Variants in TBC1D19 observed in about 807,000 individuals in gnomAD.
TBC1D19 encodes the protein TBC1 domain family, member 19.
A neutral mutation model predicts 89.0 loss-of-function variants in TBC1D19; 60 were observed. The observed-to-expected ratio is 0.67, with a 90% confidence interval of 0.55 to 0.84. TBC1D19 has a LOEUF of 0.84. Among genes scored for constraint, TBC1D19 ranks in the 40% least tolerant of loss-of-function variants. TBC1D19 has a pLI of 0.00. For synonymous variants in TBC1D19, 189 were observed against 199.7 expected (o/e 0.95, Z 0.45); for missense variants, 500 against 610.8 (o/e 0.82, Z 1.91).
chr4:26,614,061 G>A (rs910296891), intron 2 of TBC1D19, among the ~76,000 whole-genome samples: 1 of 152,074 alleles, frequency 6.6e-6, no homozygotes, highest in Non-Finnish European at 1.5e-5. Context: ...CCGTTCCCTT[G>A]GCACATTCCT....
In TBC1D19 at chr4:26,753,860, G is replaced by A. The variant is rs1407269997; in HGVS notation, c.1476G>A (p.Leu492=). The change falls in exon 20 of 21, where the codon CTG becomes CTA. Residue 492 remains leucine (L), a synonymous_variant. Transcript: ENST00000264866. ...AAVFAFRAVN[L]MEVTSLAAAE... is the part of the protein sequence containing the mutation. ...TGTTTGCTTTCCGAGCAGTGAACCT[G>A]ATGGAGGTGACATCACTGGCTGCAG... is the stretch of plus-strand genomic sequence containing the variant. 1 of 1,613,990 alleles carries A rather than the reference G, an allele frequency of 6.2e-7. No individual in the cohort carries two copies. Among genetic ancestry groups the A allele is most frequent in the South Asian group, 1.1e-5 (1 of 91,082 alleles).
intron 18 of TBC1D19, among the ~76,000 whole-genome samples, chr4:26,746,724 A>G (rs1221403896): frequency 6.6e-6 from 1 of 152,224 alleles, no homozygotes; most frequent in Non-Finnish European, 1.5e-5. Flanking sequence ...ATGAATAACT[A>G]TGATAAAGTT....
chr4:26,626,646 A>G (rs552123305), intron 4 of TBC1D19, among the ~76,000 whole-genome samples: 4 of 152,142 alleles, frequency 2.6e-5, no homozygotes, highest in African/African-American at 9.6e-5. Context: ...AAGATGTACT[A>G]TGTGGTTGAA....
At chr4:26,658,046 T>C (rs1486779838) in intron 7 of TBC1D19, among the ~76,000 whole-genome samples, 1 of 152,216 alleles carries the variant, frequency 6.6e-6, no homozygotes, top group Non-Finnish European at 1.5e-5. Flanking sequence ...GCCTGTTCAC[T>C]CTGATGATAG....
chr4:26,837,189 T>C, the TBC1D19 span, among the ~76,000 whole-genome samples: 1 of 152,178 alleles, frequency 6.6e-6, no homozygotes, highest in Non-Finnish European at 1.5e-5. Context: ...AAAAGGTCTA[T>C]ATAATGGAGA....
At chr4:26,792,050 G>A in the TBC1D19 span, among the ~76,000 whole-genome samples, 1 of 152,176 alleles carries the variant, frequency 6.6e-6, no homozygotes, top group Non-Finnish European at 1.5e-5. Context: ...AGCAAAGGAG[G>A]CTGAAAAGAG....
At chr4:26,759,028 T>C (rs1471772232), downstream of TBC1D19, among the ~76,000 whole-genome samples, 2 of 152,202 alleles carry the variant, frequency 1.3e-5, no homozygotes, top group Non-Finnish European at 2.9e-5. Context: ...TTCCTCTGCT[T>C]AGAATGCCTT....
chr4:26,668,004 A>T (rs1445217424), intron 9 of TBC1D19, among the ~76,000 whole-genome samples: 2 of 151,956 alleles, frequency 1.3e-5, no homozygotes, highest in Non-Finnish European at 2.9e-5. Flanking sequence ...ATTAAAGTAG[A>T]GGATGTGGAG....
Position 26,659,745 on chromosome 4 carries a change from G to C in TBC1D19, c.591+38G>C, listed in dbSNP as rs549530094. 1.1e-5 allele frequency: 15 copies of C among 1,356,964 alleles called. No individual in the cohort carries two copies. The African/African-American group carries it at 1.1e-4, about 10-fold the overall frequency. 84.1% of individuals were successfully genotyped at this position (1,356,964 alleles called of 1,614,324 possible). A position where few individuals can be genotyped will look rare whatever the true frequency, so the allele number is the denominator to read the frequency against. On this transcript the variant is annotated intron_variant, in intron 8 of 20. Transcript: ENST00000264866. ...ACTTAAAAATAAACATCATTTAGAA[G>C]ATAACCATTAGAAAAATGTTTTAAT... is the stretch of plus-strand genomic sequence containing the variant.
At chr4:26,779,357 G>T in the TBC1D19 span, among the ~76,000 whole-genome samples, 6,535 of 152,276 alleles carry the variant, frequency 0.043, 487 homozygotes, top group African/African-American at 0.15. Context: ...CTCTTACAAG[G>T]CTCCCCAGGT....
At chr4:26,660,124 A>G (rs1286792132) in intron 8 of TBC1D19, among the ~76,000 whole-genome samples, 1 of 152,228 alleles carries the variant, frequency 6.6e-6, no homozygotes, top group African/African-American at 2.4e-5. Flanking sequence ...GGAGAACATA[A>G]GAATTAATTA....
In TBC1D19 at chr4:26,646,175, A is replaced by G. The variant is rs572805889; in HGVS notation, c.480+5988A>G. Reference sequence around the variant, plus strand: ...CAAAGGATGTGAACAGACACTTTTCAAAAGAAGACATTTATGCAGCCAACA... The same window carrying G: ...CAAAGGATGTGAACAGACACTTTTCGAAAGAAGACATTTATGCAGCCAACA... On this transcript the variant is annotated intron_variant, in intron 7 of 20. Coordinates refer to ENST00000264866, the MANE Select transcript of TBC1D19 (RefSeq NM_018317.4). Among the ~76,000 whole-genome samples, 12 of 151,930 alleles carry G rather than the reference A, an allele frequency of 7.9e-5. No individual in the cohort carries two copies. In the South Asian group the frequency reaches 2.1e-3, roughly 26 times the overall value.
intron 1 of TBC1D19, among the ~76,000 whole-genome samples, chr4:26,611,136 A>G (rs1242101233): frequency 6.6e-6 from 1 of 152,110 alleles, no homozygotes; most frequent in Non-Finnish European, 1.5e-5. Flanking sequence ...AATTGAAGCC[A>G]TTCTGACTGG....
At chr4:26,744,508 C>A (rs1718539891) in intron 18 of TBC1D19, among the ~76,000 whole-genome samples, 1 of 151,812 alleles carries the variant, frequency 6.6e-6, no homozygotes, top group East Asian at 1.9e-4. Context: ...CTAATATAAG[C>A]ATTAATGTTA....
chr4:26,632,172 G>A (rs535870976), intron 4 of TBC1D19, among the ~76,000 whole-genome samples: 2 of 152,024 alleles, frequency 1.3e-5, no homozygotes, highest in African/African-American at 2.4e-5. Flanking sequence ...TTAAAATTGT[G>A]TATTGCAGTC....
chr4:26,622,510 C>G (rs565954705), intron 4 of TBC1D19, among the ~76,000 whole-genome samples: 1 of 152,228 alleles, frequency 6.6e-6, no homozygotes, highest in Non-Finnish European at 1.5e-5. Context: ...TGATACTCCT[C>G]TCTTTTCTTT....
chr4:26,705,087 G>T (rs1715639136), intron 13 of TBC1D19, among the ~76,000 whole-genome samples: 1 of 151,678 alleles, frequency 6.6e-6, no homozygotes, highest in Non-Finnish European at 1.5e-5. Context: ...AATGTCTATT[G>T]AAGTCCTTTG....
the TBC1D19 span, among the ~76,000 whole-genome samples, chr4:26,771,283 GT>G: frequency 1.8e-4 from 28 of 152,098 alleles, no homozygotes; most frequent in East Asian, 5.4e-3. Flanking sequence ...CAGTATGGAG[GT>G]TCCTCAAAAA....
At chr4:26,709,530 C>T (rs562472719) in intron 13 of TBC1D19, among the ~76,000 whole-genome samples, 2 of 152,000 alleles carry the variant, frequency 1.3e-5, no homozygotes, top group African/African-American at 2.4e-5. Context: ...AGATACCAGA[C>T]ATTTGGAGGA....
Sources: allele counts gnomAD v4.1 joint callset (sites outside exome capture counted in the v4.1 genomes callset), GRCh38; gene constraint gnomAD v4.1.1; transcripts MANE v1.5; gene names NCBI Gene and HGNC (gene_info 2026-07-23, HGNC 2026-07-21).